The following SH2B1 variants were observed in gnomAD, a reference collection of about 807,000 sequenced individuals.
The protein encoded by SH2B1 is SH2B adapter protein 1.
A neutral mutation model predicts 62.6 loss-of-function variants in SH2B1; 15 were observed. The observed-to-expected ratio is 0.24, with a 90% CI of 0.16 to 0.37. SH2B1 has a LOEUF of 0.37. Among genes scored for constraint, SH2B1 ranks in the 10% least tolerant of loss-of-function variants. The probability of loss-of-function intolerance (pLI) is 1.00; values close to 1 mark genes in which losing one functional copy is unlikely to be tolerated. For synonymous variants in SH2B1, 443 were observed against 438.0 expected (o/e 1.01, Z -0.14); for missense variants, 925 against 1,015.6 (o/e 0.91, Z 1.21).
In SH2B1 at chr16:28,873,051, C is replaced by A; in HGVS notation, c.1897+346C>A. ...GCAGCCTGGCCTTGGGCCTGCCCTT[C>A]CCGGGGACACTCGGTCTGATCCCCT... is the stretch of plus-strand genomic sequence containing the variant. On this transcript the variant is annotated intron_variant, in intron 7 of 7. Coordinates refer to ENST00000684370, the MANE Select transcript of SH2B1 (RefSeq NM_001387430.1). The surrounding 1 kb of genome is among the most constrained non-coding windows in gnomAD (Gnocchi z 4.2). 1 of 751,328 alleles carries A rather than the reference C, an allele frequency of 1.3e-6. No individual in the cohort carries two copies. The highest frequency in any genetic ancestry group is 1.8e-5 in the South Asian group (1 of 54,536). 46.5% of individuals were successfully genotyped at this position (751,328 alleles called of 1,614,324 possible). A position where few individuals can be genotyped will look rare whatever the true frequency, so the allele number is the denominator to read the frequency against.
rs1962576448 is a variant in SH2B1 at position 28,864,453 on chromosome 16, C to T, written c.-1642C>T. 1 of 986,244 alleles carries T rather than the reference C, an allele frequency of 1.0e-6. No individual in the cohort carries two copies. Among genetic ancestry groups the T allele is most frequent in the African/African-American group, 1.7e-5 (1 of 57,166 alleles). The allele number at this position is 986,244 out of a possible 1,614,324, so 61.1% of individuals were successfully genotyped here. On this transcript the variant is annotated 5_prime_UTR_variant, in exon 1 of 8. Transcript: ENST00000684370. ...GGTTTGCACTTCTTGGCTGGGTTCC[C>T]CCGTGCTCCATGACTCCTGCATCTC...
At position 28,867,444 on chromosome 16, in the gene SH2B1, A is replaced by G. The variant is rs759666297; in HGVS notation, c.1041+12A>G. ...CGTTTGTGGTTAAGGTAGGAATTCA[A>G]CTTCCCAGCCGCCGGCAGTGCTTGT... On this transcript the variant is annotated intron_variant, in intron 2 of 7. Coordinates refer to ENST00000684370, the MANE Select transcript of SH2B1 (RefSeq NM_001387430.1). 29 of 1,597,768 alleles carry G rather than the reference A, an allele frequency of 1.8e-5. No individual in the cohort carries two copies. The highest frequency in any genetic ancestry group is 8.3e-5 in the Admixed American group (5 of 59,974).
Position 28,864,759 on chromosome 16 carries a change from C to A in SH2B1, c.-1336C>A. The A allele has an allele frequency of 9.8e-6, 6 of 611,986 alleles. No individual in the cohort carries two copies. The highest frequency in any genetic ancestry group is 7.3e-5 in the South Asian group (1 of 13,776). The allele number at this position is 611,986 out of a possible 1,614,324, so 37.9% of individuals were successfully genotyped here. A position where few individuals can be genotyped will look rare whatever the true frequency, so the allele number is the denominator to read the frequency against. The stretch of plus-strand genomic sequence containing the variant: ...GCTCTGCCACTTTCTAGTTGTAAGA[C>A]CTTGAGAGGGCTCCTCCTTTCTCTA... On this transcript the variant is annotated 5_prime_UTR_variant, in exon 1 of 8. Transcript: ENST00000684370.
intron 1 of SH2B1, among the ~76,000 whole-genome samples, chr16:28,852,972 TACA>T (rs1962215688): frequency 4.1e-5 from 3 of 72,872 alleles, no homozygotes; most frequent in African/African-American, 1.1e-4. Context: ...CATATATATG[TACA>T]TATATATTTT....
At position 28,865,129 on chromosome 16, in the gene SH2B1, G is replaced by GA; in HGVS notation, c.-961dup. 3 of 985,620 alleles carry GA rather than the reference G, an allele frequency of 3.0e-6. No individual in the cohort carries two copies. Among genetic ancestry groups the GA allele is most frequent in the Non-Finnish European group, 3.6e-6 (3 of 829,988 alleles). The allele number at this position is 985,620 out of a possible 1,614,324, so 61.1% of individuals were successfully genotyped here. On this transcript the variant is annotated 5_prime_UTR_variant, in exon 1 of 8. Transcript: ENST00000684370. ...CTCCCCAGTGGGAGAAGAGGAAGGT[G>GA]AAAAATCCTAGGGCCCCAGCTCTCC...
At position 28,864,455 on chromosome 16, in the gene SH2B1, C is replaced by T. The variant is rs2060771611; in HGVS notation, c.-1640C>T. The T allele has an allele frequency of 4.1e-6, 4 of 986,300 alleles. No individual in the cohort carries two copies. Among genetic ancestry groups the T allele is most frequent in the Non-Finnish European group, 4.8e-6 (4 of 830,446 alleles). 61.1% of individuals were successfully genotyped at this position (986,300 alleles called of 1,614,324 possible). ...TTTGCACTTCTTGGCTGGGTTCCCC[C>T]GTGCTCCATGACTCCTGCATCTCCT... On this transcript the variant is annotated 5_prime_UTR_variant, in exon 1 of 8. Transcript: ENST00000684370.
At chr16:28,858,532 G>A (rs565523572) in intron 1 of SH2B1, among the ~76,000 whole-genome samples, 3 of 152,062 alleles carry the variant, frequency 2.0e-5, no homozygotes, top group African/African-American at 7.2e-5. Context: ...AAACTCAGGT[G>A]TTACATAAGG....
intron 1 of SH2B1, among the ~76,000 whole-genome samples, chr16:28,848,543 C>A (rs1263422855): frequency 6.6e-6 from 1 of 152,042 alleles, no homozygotes; most frequent in East Asian, 1.9e-4. Flanking sequence ...AATCAGCGCT[C>A]CCAGTGCTAC....
upstream of SH2B1, chr16:28,861,842 G>C (rs1305705864): frequency 1.3e-5 from 2 of 152,222 alleles, no homozygotes; most frequent in East Asian, 3.8e-4. Flanking sequence ...CTCAGTTCTG[G>C]AAATTTCATT....
chr16:28,866,839 A>G lies in SH2B1; in HGVS notation c.745A>G (p.Arg249Gly). ...ALKDGAGMVQREELLSFMGAE... is the reference protein window; with the variant it reads ...ALKDGAGMVQGEELLSFMGAE... ...GAAGGATGGAGCAGGGATGGTGCAG[A>G]GGGAAGAGCTGCTGAGTTTCATGGG... The change falls in exon 1 of 8, where the codon AGG becomes GGG. Residue 249 changes from arginine to glycine, a missense_variant. Physicochemically the swap from Arg to Gly is moderately radical, Grantham distance 125. Around this residue, in one of 3 missense-constraint regions of SH2B1, gnomAD observed 683 missense variants for 704.0 expected, o/e 0.97. Coordinates refer to ENST00000684370, the MANE Select transcript of SH2B1 (RefSeq NM_001387430.1). The surrounding 1 kb of genome is among the most constrained non-coding windows in gnomAD (Gnocchi z 6.3). The G allele has an allele frequency of 3.1e-6, 5 of 1,601,066 alleles. No homozygotes were observed. The highest frequency in any genetic ancestry group is 4.3e-6 in the Non-Finnish European group (5 of 1,173,846).
chr16:28,850,598 G>C (rs1050785344), intron 1 of SH2B1, among the ~76,000 whole-genome samples: 1 of 151,856 alleles, frequency 6.6e-6, no homozygotes, highest in Non-Finnish European at 1.5e-5. Context: ...GGTGGCTCAC[G>C]CCTGTAATCC....
chr16:28,869,121 T>C (rs768594280), intron 3 of SH2B1, 24 bp downstream of exon 3: 2 of 1,613,736 alleles, frequency 1.2e-6, no homozygotes, highest in Admixed American at 1.7e-5. Flanking sequence ...CTTCTGTCGC[T>C]AAGGGACATA....
intron 1 of SH2B1, among the ~76,000 whole-genome samples, chr16:28,849,077 A>G (rs1187353233): frequency 1.3e-5 from 2 of 152,162 alleles, no homozygotes; most frequent in East Asian, 3.9e-4. Flanking sequence ...TGCTTAGGAA[A>G]GGCTGGTATC....
At chr16:28,847,293 A>G (rs187258259) in intron 1 of SH2B1, among the ~76,000 whole-genome samples, 7 of 152,334 alleles carry the variant, frequency 4.6e-5, no homozygotes, top group South Asian at 2.1e-4. Flanking sequence ...AGGGTAGTCA[A>G]TGTCCCTTAA....
Position 28,865,171 on chromosome 16 carries a change from A to G in SH2B1, c.-924A>G. 1 of 985,590 alleles carries G rather than the reference A, an allele frequency of 1.0e-6. No homozygotes were observed. The highest frequency in any genetic ancestry group is 1.2e-6 in the Non-Finnish European group (1 of 829,948). 61.1% of individuals were successfully genotyped at this position (985,590 alleles called of 1,614,324 possible). A position where few individuals can be genotyped will look rare whatever the true frequency, so the allele number is the denominator to read the frequency against. ...CAGCTCTCCCTGTGATGTTTTGTTT[A>G]CGTGAGGCCAGCAAAGACTTGACCT... On this transcript the variant is annotated 5_prime_UTR_variant, in exon 1 of 8. Coordinates refer to ENST00000684370, the MANE Select transcript of SH2B1 (RefSeq NM_001387430.1).
At position 28,864,044 on chromosome 16, in the gene SH2B1, A is replaced by G. The variant is rs1231593289; in HGVS notation, c.-2051A>G. ...GATTCCTGGGTGGGGGTGGGCGTGG[A>G]GGGCCGGGGGCTGGAGAGGCACTCG... On this transcript the variant is annotated 5_prime_UTR_variant, in exon 1 of 8. Transcript: ENST00000684370. The G allele has an allele frequency of 1.5e-6, 2 of 1,373,482 alleles. No individual in the cohort carries two copies. The highest frequency in any genetic ancestry group is 1.5e-5 in the South Asian group (1 of 66,204). 85.1% of individuals were successfully genotyped at this position (1,373,482 alleles called of 1,614,324 possible). A position where few individuals can be genotyped will look rare whatever the true frequency, so the allele number is the denominator to read the frequency against.
At chr16:28,863,586 C>G (rs897276567), upstream of SH2B1, 21 of 1,230,116 alleles carry the variant, frequency 1.7e-5, no homozygotes, top group Non-Finnish European at 2.2e-5. Flanking sequence ...GTCGACATCG[C>G]CCCTTTGTCC....
At position 28,865,929 on chromosome 16, in the gene SH2B1, A is replaced by C. The variant is rs997607173; in HGVS notation, c.-166A>C. ...TCTGCGGAGTCTGAAGTAGGGTCGG[A>C]CGTCTCTGGCTGGGGGTGGGATGCA... On this transcript the variant is annotated 5_prime_UTR_variant, in exon 1 of 8. Transcript: ENST00000684370. The C allele has an allele frequency of 1.8e-5, 26 of 1,415,414 alleles. No homozygotes were observed. Among genetic ancestry groups the C allele is most frequent in the African/African-American group, 2.9e-5 (2 of 69,054 alleles). The allele number at this position is 1,415,414 out of a possible 1,614,324, so 87.7% of individuals were successfully genotyped here.
chr16:28,850,894 GC>G (rs1284219140), intron 1 of SH2B1, among the ~76,000 whole-genome samples: 1 of 150,280 alleles, frequency 6.7e-6, no homozygotes, highest in Non-Finnish European at 1.5e-5. Context: ...ATTAAAAAGG[GC>G]CGGACGTGGT....
Sources: gnomAD v4.1 joint callset for allele counts (sites outside exome capture counted in the v4.1 genomes callset) on GRCh38, gnomAD v4.1.1 for gene constraint, gnomAD v4.1.1 regional missense constraint, Gnocchi (gnomAD v3.1) non-coding constraint, MANE v1.5 for transcripts, NCBI Gene and HGNC (gene_info 2026-07-23, HGNC 2026-07-21) for gene names.